The following PLA2G4E variants were observed in gnomAD, a reference collection of about 807,000 sequenced individuals.
The protein encoded by PLA2G4E is cytosolic phospholipase A2 epsilon.
In PLA2G4E, 84 loss-of-function variants were observed where a neutral mutation model predicts 109.1. The ratio of observed to expected loss-of-function variants is 0.77; its 90% CI spans 0.65 to 0.92. The LOEUF (loss-of-function observed/expected upper bound fraction) is 0.92, where lower values mean the gene tolerates loss of function less well. PLA2G4E is among the 40% of genes least tolerant of loss of function. The probability of loss-of-function intolerance (pLI) is 0.00; values close to 1 mark genes in which losing one functional copy is unlikely to be tolerated. For synonymous variants in PLA2G4E, 469 were observed against 436.1 expected, an observed-to-expected ratio of 1.08 and a Z score of -0.94; for missense variants, 1,057 against 1,076.6, an observed-to-expected ratio of 0.98 and a Z score of 0.25.
At chr15:42,032,955 ATG>A (rs1371228835) in intron 1 of PLA2G4E, among the ~76,000 whole-genome samples, 1 of 152,004 alleles carries the variant, frequency 6.6e-6, no homozygotes, top group African/African-American at 2.4e-5. Flanking sequence ...TCCCCACTGC[ATG>A]TGTGTGTGAG....
chr15:42,002,228 G>A (rs1351598543), intron 6 of PLA2G4E, among the ~76,000 whole-genome samples: 3 of 127,226 alleles, frequency 2.4e-5, no homozygotes, highest in Non-Finnish European at 4.7e-5. Context: ...TCGCAGCACT[G>A]CACTCCAGCC....
At chr15:41,993,923 C>G (rs1175538235) in intron 12 of PLA2G4E, among the ~76,000 whole-genome samples, 3 of 152,196 alleles carry the variant, frequency 2.0e-5, no homozygotes, top group African/African-American at 7.2e-5. Flanking sequence ...TTCCCCAGGC[C>G]AGGGGACCCC....
intron 1 of PLA2G4E, among the ~76,000 whole-genome samples, chr15:42,026,690 G>A (rs1019296944): frequency 6.6e-6 from 1 of 152,090 alleles, no homozygotes; most frequent in Non-Finnish European, 1.5e-5. Context: ...ATATGTATGA[G>A]GGTCGGGTGT....
At chr15:42,022,995 C>A (rs1399259960) in intron 1 of PLA2G4E, among the ~76,000 whole-genome samples, 1 of 151,984 alleles carries the variant, frequency 6.6e-6, no homozygotes. Context: ...TGAGCCTAGG[C>A]ACCACTAGGA....
intron 1 of PLA2G4E, among the ~76,000 whole-genome samples, chr15:42,041,768 G>C (rs184669860): frequency 6.6e-6 from 1 of 152,190 alleles, no homozygotes; most frequent in South Asian, 2.1e-4. Flanking sequence ...CTCTGTGTGT[G>C]TGTGTGGAGG....
intron 1 of PLA2G4E, among the ~76,000 whole-genome samples, chr15:42,034,639 C>T (rs2598467): frequency 0.81 from 123,939 of 152,178 alleles, 50,879 homozygotes; most frequent in South Asian, 0.95. Flanking sequence ...CTCCTCTGCC[C>T]CCTCCTCTTC....
chr15:42,010,337 A>C, intron 2 of PLA2G4E: 1 of 336,124 alleles, frequency 3.0e-6, no homozygotes, highest in South Asian at 3.0e-5. Context: ...AAGCCCATTA[A>C]ATAAAAACTC....
chr15:42,001,123 T>A (rs768386486), intron 7 of PLA2G4E, 34 bp downstream of exon 7: 95 of 1,582,772 alleles, frequency 6.0e-5, no homozygotes, highest in Non-Finnish European at 8.2e-5. Context: ...CTCCCCCTTG[T>A]CCCCCAGTAG....
intron 1 of PLA2G4E, among the ~76,000 whole-genome samples, chr15:42,031,756 G>A (rs1889118248): frequency 6.6e-6 from 1 of 152,226 alleles, no homozygotes; most frequent in South Asian, 2.1e-4. Context: ...CACAGGGAGA[G>A]GGAAGGGGAG....
chr15:42,039,472 C>T (rs528879523), intron 1 of PLA2G4E, among the ~76,000 whole-genome samples: 1 of 151,930 alleles, frequency 6.6e-6, no homozygotes, highest in South Asian at 2.1e-4. Flanking sequence ...GACTGATCAA[C>T]AGAATAGAAT....
chr15:42,039,823 T>C (rs922477432), intron 1 of PLA2G4E, among the ~76,000 whole-genome samples: 17 of 152,280 alleles, frequency 1.1e-4, no homozygotes, highest in African/African-American at 3.8e-4. Context: ...CATACATACC[T>C]TGTTCTTAAA....
rs146955773 is a variant in PLA2G4E at position 42,035,461 on chromosome 15, TCTC to T, written c.183+15057_183+15059del. ...CTAGAGAGTGGGGACTCACCCTCGTTCTCCTGCTGGGAATGGGAGAGGCAACCA... is the reference window on the plus strand; with the variant it reads ...CTAGAGAGTGGGGACTCACCCTCGTTCTGCTGGGAATGGGAGAGGCAACCA... On this transcript the variant is annotated intron_variant, in intron 1 of 19. Coordinates refer to ENST00000399518, the Ensembl canonical transcript of PLA2G4E. 5.3e-4 allele frequency among the ~76,000 whole-genome samples: 81 copies of T among 152,340 alleles called. 1 individual carries two copies. The highest frequency in any genetic ancestry group is 1.9e-3 in the African/African-American group (77 of 41,578).
intron 2 of PLA2G4E, among the ~76,000 whole-genome samples, chr15:42,011,183 G>A (rs995255970): frequency 1.3e-5 from 2 of 152,268 alleles, no homozygotes; most frequent in Admixed American, 6.5e-5. Context: ...GCCAGGTATC[G>A]CCCAAAGGCA....
At chr15:42,006,986 G>A (rs1233296826) in intron 3 of PLA2G4E, among the ~76,000 whole-genome samples, 1 of 152,172 alleles carries the variant, frequency 6.6e-6, no homozygotes, top group Non-Finnish European at 1.5e-5. Flanking sequence ...AAACTCACAT[G>A]TATGATAGAA....
rs544075860 is a variant in PLA2G4E, at chr15:41,986,693, A to AT, written c.2035+478dup. On this transcript the variant is annotated intron_variant, in intron 17 of 19. Coordinates refer to ENST00000399518, the Ensembl canonical transcript of PLA2G4E. ...CACCATGCCCAGCTAATTAAAAACA[A>AT]TTTTTTTTTAAGAGATGGGGTCTCA... 2.1e-3 allele frequency among the ~76,000 whole-genome samples: 316 copies of AT among 151,078 alleles called. 1 individual carries two copies. The highest frequency in any genetic ancestry group is 4.2e-3 in the South Asian group (20 of 4,746).
Position 41,999,514 on chromosome 15 carries a change from G to A in PLA2G4E, c.974+10C>T. 1 of 1,582,234 alleles carries A rather than the reference G, an allele frequency of 6.3e-7. No homozygotes were observed. Among genetic ancestry groups the A allele is most frequent in the Non-Finnish European group, 8.7e-7 (1 of 1,151,410 alleles). ...AAGTGAGAGGCACGGACAGAATGCG[G>A]GTACTATACCAGGGTGTAGACTTCA... is the stretch of plus-strand genomic sequence containing the variant. On this transcript the variant is annotated intron_variant, in intron 10 of 19. Transcript: ENST00000399518.
At chr15:42,007,236 A>C (rs552517634) in intron 3 of PLA2G4E, among the ~76,000 whole-genome samples, 1 of 152,344 alleles carries the variant, frequency 6.6e-6, no homozygotes, top group South Asian at 2.1e-4. Context: ...TGTGAACTCA[A>C]CTTAGAGTCA....
chr15:42,027,930 A>T (rs1223728720), intron 1 of PLA2G4E, among the ~76,000 whole-genome samples: 2 of 135,110 alleles, frequency 1.5e-5, no homozygotes, highest in Non-Finnish European at 1.6e-5. Flanking sequence ...ATAATTCATC[A>T]TATGCTCACT....
At chr15:42,003,197 C>A (rs1325724009) in intron 5 of PLA2G4E, among the ~76,000 whole-genome samples, 2 of 152,200 alleles carry the variant, frequency 1.3e-5, no homozygotes, top group African/African-American at 2.4e-5. Flanking sequence ...TTTCAATTAG[C>A]CTGGCAGAGT....
Sources: gnomAD v4.1 joint callset for allele counts (sites outside exome capture counted in the v4.1 genomes callset) on GRCh38, gnomAD v4.1.1 for gene constraint, MANE v1.5 for transcripts, NCBI Gene and HGNC (gene_info 2026-07-23, HGNC 2026-07-21) for gene names.